The following TRERF1 variants were observed in gnomAD, a reference collection of about 807,000 sequenced individuals.
TRERF1 encodes transcriptional regulating factor 1.
TRERF1 carries 27 observed loss-of-function variants against 122.9 expected under a neutral mutation model. The ratio of observed to expected loss-of-function variants is 0.22; its 90% CI spans 0.16 to 0.30. The LOEUF (loss-of-function observed/expected upper bound fraction) is 0.30, where lower values mean the gene tolerates loss of function less well. TRERF1 is among the 10% of genes least tolerant of loss of function. The probability of loss-of-function intolerance (pLI) is 1.00; values close to 1 mark genes in which losing one functional copy is unlikely to be tolerated. For missense variants in TRERF1, 1,248 were observed against 1,560.3 expected (o/e 0.80, Z 3.37); for synonymous variants, 636 against 641.7 (o/e 0.99, Z 0.13).
intron 3 of TRERF1, among the ~76,000 whole-genome samples, chr6:42,330,332 G>A (rs1765038244): frequency 6.6e-6 from 1 of 152,188 alleles, no homozygotes; most frequent in Non-Finnish European, 1.5e-5. Flanking sequence ...CAATACACTG[G>A]CTAGGGGGAA....
At chr6:42,321,243 AC>A (rs1168847490) in intron 3 of TRERF1, among the ~76,000 whole-genome samples, 1 of 152,140 alleles carries the variant, frequency 6.6e-6, no homozygotes. Flanking sequence ...CCTGAAAAAA[AC>A]ATTTGAGATC....
At chr6:42,441,949 T>C (rs977880369) in intron 2 of TRERF1, among the ~76,000 whole-genome samples, 8 of 152,066 alleles carry the variant, frequency 5.3e-5, no homozygotes, top group African/African-American at 1.9e-4. Flanking sequence ...AAGAAAGACT[T>C]AAGGAATGAG....
At chr6:42,392,975 A>G (rs961803821) in intron 2 of TRERF1, among the ~76,000 whole-genome samples, 7 of 146,544 alleles carry the variant, frequency 4.8e-5, no homozygotes, top group Non-Finnish European at 8.9e-5. Context: ...GTCAATTTCC[A>G]TGGTATAAAT....
At chr6:42,420,245 G>C (rs1357238086) in intron 2 of TRERF1, among the ~76,000 whole-genome samples, 3 of 152,156 alleles carry the variant, frequency 2.0e-5, no homozygotes, top group Non-Finnish European at 4.4e-5. Flanking sequence ...CCAGCTTTAA[G>C]CAGAATCAAT....
intron 3 of TRERF1, among the ~76,000 whole-genome samples, chr6:42,325,510 C>T (rs370936442): frequency 4.3e-4 from 65 of 152,272 alleles, no homozygotes; most frequent in African/African-American, 1.5e-3. Context: ...CAACTAGATG[C>T]CCATTAACAG....
At chr6:42,312,634 G>T (rs776645793) in intron 3 of TRERF1, among the ~76,000 whole-genome samples, 1 of 152,154 alleles carries the variant, frequency 6.6e-6, no homozygotes, top group Non-Finnish European at 1.5e-5. Flanking sequence ...CTGCACCTTC[G>T]GGAGCAGATA....
At chr6:42,251,893 C>T (rs1003566406) in intron 13 of TRERF1, among the ~76,000 whole-genome samples, 9 of 152,284 alleles carry the variant, frequency 5.9e-5, no homozygotes, top group Admixed American at 5.2e-4. Flanking sequence ...TTCTAACACC[C>T]CTCTGCAGGA....
chr6:42,360,418 AC>A (rs1482826116), intron 3 of TRERF1, among the ~76,000 whole-genome samples: 1 of 152,210 alleles, frequency 6.6e-6, no homozygotes, highest in Non-Finnish European at 1.5e-5. Flanking sequence ...TTTAAGACAT[AC>A]TGAAAAACAG....
In TRERF1 at chr6:42,352,879, T is replaced by C. The variant is rs145521997; in HGVS notation, c.-371+10118A>G. ...TTATCAGATTTATACATTTAAAATA[T>C]TGTGAATATAGGATCCAACATTGCT... is the stretch of plus-strand genomic sequence containing the variant. On this transcript the variant is annotated intron_variant, in intron 3 of 17. Transcript: ENST00000372922. 2.0e-3 allele frequency among the ~76,000 whole-genome samples: 302 copies of C among 152,338 alleles called. 2 individuals are homozygous for C. The highest frequency in any genetic ancestry group is 6.9e-3 in the African/African-American group (288 of 41,570).
At chr6:42,247,068 C>T (rs1774935630) in intron 13 of TRERF1, among the ~76,000 whole-genome samples, 1 of 152,172 alleles carries the variant, frequency 6.6e-6, no homozygotes. Flanking sequence ...TGTAATTATT[C>T]AGGTAGAGGC....
chr6:42,259,768 C>A lies in TRERF1; in HGVS notation c.1885-45G>T, dbSNP rs200341234. 6.3e-7 allele frequency: 1 copy of A among 1,597,596 alleles called. No homozygotes were observed. Among genetic ancestry groups the A allele is most frequent in the East Asian group, 2.2e-5 (1 of 44,842 alleles). On this transcript the variant is annotated intron_variant, in intron 8 of 17. Coordinates refer to ENST00000372922, the Ensembl canonical transcript of TRERF1. The surrounding 1 kb of genome is among the most constrained non-coding windows in gnomAD (Gnocchi z 4.9). Reference sequence around the variant, plus strand: ...CTGATTCGAATACTTCAGCTTCCCCCGCAGGCCATTTCCACAGGTTCAGGG... The same window carrying A: ...CTGATTCGAATACTTCAGCTTCCCCAGCAGGCCATTTCCACAGGTTCAGGG...
At chr6:42,350,998 C>T (rs1287467238) in intron 3 of TRERF1, among the ~76,000 whole-genome samples, 3 of 152,044 alleles carry the variant, frequency 2.0e-5, no homozygotes, top group Non-Finnish European at 4.4e-5. Context: ...CTCTCACACA[C>T]ACAAACACAC....
chr6:42,405,786 C>G (rs1780085550), intron 2 of TRERF1, among the ~76,000 whole-genome samples: 1 of 146,004 alleles, frequency 6.8e-6, no homozygotes, highest in East Asian at 2.0e-4. Flanking sequence ...TAGAGCCAGA[C>G]CTTGTCTCAA....
intron 2 of TRERF1, among the ~76,000 whole-genome samples, chr6:42,404,092 T>A (rs971698142): frequency 2.0e-5 from 3 of 151,584 alleles, no homozygotes; most frequent in Admixed American, 1.3e-4. Context: ...CTGGGAGTCT[T>A]GAGTACTAGA....
At chr6:42,364,529 G>A (rs1327789080) in intron 2 of TRERF1, among the ~76,000 whole-genome samples, 1 of 152,200 alleles carries the variant, frequency 6.6e-6, no homozygotes, top group Non-Finnish European at 1.5e-5. Context: ...TTGTATGATG[G>A]AATCAAAGAA....
chr6:42,236,379 C>T (rs1218114172), exon 16 of TRERF1: 4 of 1,560,246 alleles, frequency 2.6e-6, no homozygotes, highest in Admixed American at 1.9e-5. Flanking sequence ...CCTCCTCCTC[C>T]TCCTCCTCTA....
chr6:42,381,566 G>A (rs1459819711), intron 2 of TRERF1, among the ~76,000 whole-genome samples: 2 of 152,016 alleles, frequency 1.3e-5, no homozygotes, highest in African/African-American at 2.4e-5. Flanking sequence ...TGGTGAGGCT[G>A]AGCTGAAATG....
rs771459483 is a variant in TRERF1, at chr6:42,269,719, T to A, written c.-129A>T. The A allele has an allele frequency of 1.6e-5, 23 of 1,452,138 alleles. No individual in the cohort carries two copies. Among genetic ancestry groups the A allele is most frequent in the Non-Finnish European group, 2.1e-5 (23 of 1,108,270 alleles). The allele number at this position is 1,452,138 out of a possible 1,614,324, so 90.0% of individuals were successfully genotyped here. On this transcript the variant is annotated 5_prime_UTR_variant, in exon 5 of 18. Transcript: ENST00000372922. This position sits in a 1 kb window ranked among gnomAD's most constrained non-coding sequence, Gnocchi z 4.9. ...AGCACTACTCCACGGCTGACATGTC[T>A]GTGAACGTGGCTGGAGCCAGGTGTT...
At chr6:42,405,826 A>T (rs867345463) in intron 2 of TRERF1, among the ~76,000 whole-genome samples, 6 of 151,586 alleles carry the variant, frequency 4.0e-5, no homozygotes, top group South Asian at 4.2e-4. Flanking sequence ...ATTAAAAAAA[A>T]TAAAAAAAAA....
Sources: gnomAD v4.1 joint callset for allele counts (sites outside exome capture counted in the v4.1 genomes callset) on GRCh38, gnomAD v4.1.1 for gene constraint, Gnocchi (gnomAD v3.1) non-coding constraint, MANE v1.5 for transcripts, NCBI Gene and HGNC (gene_info 2026-07-23, HGNC 2026-07-21) for gene names.